COL4A2: variants seen among roughly 807,000 people sequenced by gnomAD.
The protein encoded by COL4A2 is collagen type IV alpha 2 chain.
A neutral mutation model predicts 200.2 loss-of-function variants in COL4A2; 99 were observed. The observed-to-expected ratio is 0.49, with a 90% CI of 0.42 to 0.58. The LOEUF is 0.58. Among genes scored for constraint, COL4A2 ranks in the 20% least tolerant of loss-of-function variants. COL4A2 has a pLI of 0.00. For synonymous variants in COL4A2, 897 were observed against 900.6 expected (o/e 1.00, Z 0.07); for missense variants, 1,950 against 2,314.1 (o/e 0.84, Z 3.23).
chr13:110,431,171 C>T (rs140637826), intron 10 of COL4A2, among the ~76,000 whole-genome samples: 24 of 152,260 alleles, frequency 1.6e-4, no homozygotes, highest in Non-Finnish European at 2.6e-4. Context: ...TTGGCCACTG[C>T]GAGAGCTCCT....
intron 20 of COL4A2, among the ~76,000 whole-genome samples, chr13:110,452,833 G>T (rs1158091819): frequency 6.6e-6 from 1 of 152,068 alleles, no homozygotes; most frequent in Non-Finnish European, 1.5e-5. Context: ...TATGATCTCT[G>T]CTCACTGCAA....
At chr13:110,393,834 G>A (rs940553305) in intron 4 of COL4A2, among the ~76,000 whole-genome samples, 4 of 152,090 alleles carry the variant, frequency 2.6e-5, no homozygotes, top group Admixed American at 6.5e-5. Flanking sequence ...AGCCGAGATC[G>A]CACCACTGCA....
At chr13:110,332,225 A>G (rs1566477349) in intron 3 of COL4A2, among the ~76,000 whole-genome samples, 1 of 152,218 alleles carries the variant, frequency 6.6e-6, no homozygotes, top group Non-Finnish European at 1.5e-5. Flanking sequence ...AGTATACATT[A>G]AGTAGACTTC....
At chr13:110,352,626 T>C (rs1877012867) in intron 3 of COL4A2, among the ~76,000 whole-genome samples, 1 of 152,078 alleles carries the variant, frequency 6.6e-6, no homozygotes, top group Admixed American at 6.6e-5. Context: ...TAGTTTGGAA[T>C]TGGGGATGTG....
intron 3 of COL4A2, among the ~76,000 whole-genome samples, chr13:110,329,561 G>A (rs185651320): frequency 1.3e-5 from 2 of 152,184 alleles, no homozygotes; most frequent in Non-Finnish European, 2.9e-5. Context: ...TATCCTCATG[G>A]CATCCTTGGA....
intron 4 of COL4A2, among the ~76,000 whole-genome samples, chr13:110,423,351 A>G (rs1323839505): frequency 6.6e-6 from 1 of 152,080 alleles, no homozygotes; most frequent in Non-Finnish European, 1.5e-5. Context: ...TGTATTAGAA[A>G]TATGCATATG....
chr13:110,464,855 C>T (rs1882171328), intron 24 of COL4A2, among the ~76,000 whole-genome samples: 1 of 152,168 alleles, frequency 6.6e-6, no homozygotes, highest in African/African-American at 2.4e-5. Flanking sequence ...GCACCTCCCA[C>T]CAGCTCCCCC....
At chr13:110,473,226 C>CG in intron 29 of COL4A2, 76 bp downstream of exon 29, 2 of 1,390,116 alleles carry the variant, frequency 1.4e-6, no homozygotes, top group South Asian at 1.3e-5. Context: ...CAATCCCTTC[C>CG]GGGGGATTTG....
At chr13:110,323,402 C>G (rs894137985) in intron 3 of COL4A2, among the ~76,000 whole-genome samples, 4 of 152,194 alleles carry the variant, frequency 2.6e-5, no homozygotes, top group African/African-American at 7.2e-5. Flanking sequence ...GAGGGCCCCC[C>G]CTGTGGAAGC....
intron 3 of COL4A2, among the ~76,000 whole-genome samples, chr13:110,340,404 TG>T (rs1876398878): frequency 6.6e-6 from 1 of 152,242 alleles, no homozygotes; most frequent in Non-Finnish European, 1.5e-5. Flanking sequence ...GATATGGCCA[TG>T]GTCCTCATGT....
At chr13:110,319,127 G>A (rs1042042356) in intron 3 of COL4A2, among the ~76,000 whole-genome samples, 2 of 151,984 alleles carry the variant, frequency 1.3e-5, no homozygotes. Context: ...GGCCTGTGGG[G>A]GGAGGTTTTA....
At chr13:110,421,135 C>T (rs979364565) in intron 4 of COL4A2, among the ~76,000 whole-genome samples, 2 of 152,136 alleles carry the variant, frequency 1.3e-5, no homozygotes, top group African/African-American at 4.8e-5. Flanking sequence ...TTGTGCATTG[C>T]TGGTGGGAAT....
intron 4 of COL4A2, among the ~76,000 whole-genome samples, chr13:110,367,721 C>T (rs1877815544): frequency 6.6e-6 from 1 of 152,194 alleles, no homozygotes; most frequent in South Asian, 2.1e-4. Context: ...TAATTTAGAG[C>T]AAAATTAACA....
chr13:110,385,021 T>C (rs1346889212), intron 4 of COL4A2, among the ~76,000 whole-genome samples: 1 of 152,052 alleles, frequency 6.6e-6, no homozygotes, highest in Non-Finnish European at 1.5e-5. Context: ...TCCTAGCACT[T>C]TGGGAGGCTG....
chr13:110,339,714 G>A (rs567235777), intron 3 of COL4A2, among the ~76,000 whole-genome samples: 2 of 152,336 alleles, frequency 1.3e-5, no homozygotes, highest in African/African-American at 4.8e-5. Flanking sequence ...CTCAGTCTTA[G>A]CACAATACCT....
At chr13:110,433,278 G>A (rs1313668277) in intron 11 of COL4A2, among the ~76,000 whole-genome samples, 2 of 152,260 alleles carry the variant, frequency 1.3e-5, no homozygotes, top group Non-Finnish European at 2.9e-5. Flanking sequence ...CAGGCCAAGA[G>A]CAGCAGAAAT....
intron 46 of COL4A2, 42 bp from the exon 47 acceptor site, chr13:110,507,893 T>A: frequency 5.0e-6 from 8 of 1,592,052 alleles, no homozygotes; most frequent in Non-Finnish European, 6.0e-6. Context: ...GTGCGTCTTC[T>A]AGCCACACTG....
chr13:110,430,288 TCC>T lies in COL4A2; in HGVS notation c.550-112_550-111del. On this transcript the variant is annotated intron_variant, in intron 8 of 47. Transcript: ENST00000360467. ...ATATTAGTAAATTAACATTACTAGG[TCC>T]TGATAGGGCTGATCTGTTTGATATG... 2.2e-6 allele frequency: 3 copies of T among 1,356,628 alleles called. No homozygotes were observed. The South Asian group carries it at 4.5e-5, about 21-fold the overall frequency. The allele number at this position is 1,356,628 out of a possible 1,614,324, so 84.0% of individuals were successfully genotyped here.
chr13:110,450,843 G>A (rs1056194512), intron 20 of COL4A2, among the ~76,000 whole-genome samples: 4 of 152,286 alleles, frequency 2.6e-5, no homozygotes, highest in South Asian at 2.1e-4. Context: ...CCAGGGTGAG[G>A]GCTCACCCTT....
Sources: gnomAD v4.1 joint callset for allele counts (sites outside exome capture counted in the v4.1 genomes callset) on GRCh38, gnomAD v4.1.1 for gene constraint, MANE v1.5 for transcripts, NCBI Gene and HGNC (gene_info 2026-07-23, HGNC 2026-07-21) for gene names.